The following NCOA2 variants were observed in gnomAD, a reference collection of about 807,000 sequenced individuals.
The protein encoded by NCOA2 is nuclear receptor coactivator 2.
In NCOA2, 21 loss-of-function variants were observed where a neutral mutation model predicts 145.1. The ratio of observed to expected loss-of-function variants is 0.14; its 90% CI spans 0.10 to 0.21. The LOEUF (loss-of-function observed/expected upper bound fraction) is 0.21, where lower values mean the gene tolerates loss of function less well. Among genes scored for constraint, NCOA2 ranks in the 10% least tolerant of loss-of-function variants. NCOA2 has a pLI of 1.00. For synonymous variants in NCOA2, 619 were observed against 637.5 expected, an observed-to-expected ratio of 0.97 and a Z score of 0.44; for missense variants, 1,472 against 1,837.6, an observed-to-expected ratio of 0.80 and a Z score of 3.64.
At chr8:70,274,473 G>A (rs1393303009) in intron 2 of NCOA2, among the ~76,000 whole-genome samples, 5 of 152,154 alleles carry the variant, frequency 3.3e-5, no homozygotes, top group Non-Finnish European at 5.9e-5. Context: ...GGCTTTTTAA[G>A]TAGGGTCAAA....
intron 1 of NCOA2, chr8:70,357,557 C>G (rs747188641): frequency 3.9e-5 from 6 of 152,230 alleles, no homozygotes; most frequent in Non-Finnish European, 5.9e-5. Flanking sequence ...CTGGCTAACA[C>G]GGTGAAACCC....
At chr8:70,403,641 C>T in intron 1 of NCOA2, 59 bp downstream of exon 1, 1 of 352,920 alleles carries the variant, frequency 2.8e-6, no homozygotes, top group Non-Finnish European at 5.1e-6. Flanking sequence ...GACGCGGCGC[C>T]CCCCGCCTGC....
At chr8:70,152,597 T>C (rs1013359608) in intron 11 of NCOA2, among the ~76,000 whole-genome samples, 30 of 152,210 alleles carry the variant, frequency 2.0e-4, no homozygotes, top group African/African-American at 7.2e-4. Flanking sequence ...AGTAGTATCG[T>C]TTGGTTAAGT....
chr8:70,452,302 C>A, the NCOA2 span, among the ~76,000 whole-genome samples: 1 of 152,074 alleles, frequency 6.6e-6, no homozygotes, highest in Non-Finnish European at 1.5e-5. Flanking sequence ...AGTCAGTTCT[C>A]CAAAGAAATA....
intron 4 of NCOA2, among the ~76,000 whole-genome samples, chr8:70,207,862 CAA>C (rs754670876): frequency 1.1e-4 from 4 of 36,206 alleles, no homozygotes; most frequent in Admixed American, 3.4e-4. Context: ...GACTCCACCT[CAA>C]AAAAAAAAAA....
chr8:70,410,366 G>A, the NCOA2 span, among the ~76,000 whole-genome samples: 1 of 152,076 alleles, frequency 6.6e-6, no homozygotes, highest in Non-Finnish European at 1.5e-5. Flanking sequence ...GTTCTCCTAG[G>A]TATTTACCTG....
chr8:70,338,285 C>T (rs1174841811), intron 1 of NCOA2, among the ~76,000 whole-genome samples: 1 of 152,086 alleles, frequency 6.6e-6, no homozygotes, highest in Non-Finnish European at 1.5e-5. Flanking sequence ...CCACAAAATA[C>T]AACCATTAGA....
intron 4 of NCOA2, among the ~76,000 whole-genome samples, chr8:70,194,921 T>C (rs1817110824): frequency 6.6e-6 from 1 of 152,152 alleles, no homozygotes; most frequent in Admixed American, 6.5e-5. Context: ...TCCACTTCAC[T>C]GGGAGACAGT....
At chr8:70,295,211 A>G (rs1441198301) in intron 2 of NCOA2, among the ~76,000 whole-genome samples, 1 of 152,214 alleles carries the variant, frequency 6.6e-6, no homozygotes, top group African/African-American at 2.4e-5. Context: ...GAGTTCAAAC[A>G]CATCAATATA....
the NCOA2 span, among the ~76,000 whole-genome samples, chr8:70,452,666 TA>T: frequency 6.6e-6 from 1 of 152,010 alleles, no homozygotes; most frequent in African/African-American, 2.4e-5. Flanking sequence ...AAAAACCAAT[TA>T]ATTGTACATT....
At chr8:70,450,573 CTTTTT>C in the NCOA2 span, among the ~76,000 whole-genome samples, 930 of 94,650 alleles carry the variant, frequency 9.8e-3, 20 homozygotes, top group African/African-American at 0.036. Flanking sequence ...TCTTTTTATT[CTTTTT>C]TTTTTTTTTT....
intron 1 of NCOA2, among the ~76,000 whole-genome samples, chr8:70,348,665 GA>G (rs1808892373): frequency 6.6e-6 from 1 of 152,170 alleles, no homozygotes; most frequent in Non-Finnish European, 1.5e-5. Flanking sequence ...GCACATGTAA[GA>G]TAAGAGAGAA....
chr8:70,215,500 A>T (rs1462084795), intron 3 of NCOA2, among the ~76,000 whole-genome samples: 1 of 152,072 alleles, frequency 6.6e-6, no homozygotes, highest in Non-Finnish European at 1.5e-5. Context: ...GGATGTAGAG[A>T]GTGGAGATTT....
Position 70,156,958 on chromosome 8 carries a change from G to A in NCOA2, c.1407C>T (p.Ser469=). The change falls in exon 11 of 23, where the codon AGC becomes AGT. Residue 469 remains serine, a synonymous_variant. Coordinates refer to ENST00000452400, the MANE Select transcript of NCOA2 (RefSeq NM_006540.4). ...QGSNYALKMN[S]PSQSSPGMNP... ...TCATGCCAGGGCTGCTTTGTGAGGG[G>A]CTGTTCATTTTGAGTGCATAGTTAC... The A allele has an allele frequency of 6.2e-7, 1 of 1,614,044 alleles. No homozygotes were observed. Among genetic ancestry groups the A allele is most frequent in the African/African-American group, 1.3e-5 (1 of 75,070 alleles).
intron 2 of NCOA2, among the ~76,000 whole-genome samples, chr8:70,294,820 G>A (rs1826960833): frequency 6.6e-6 from 1 of 152,058 alleles, no homozygotes; most frequent in Admixed American, 6.6e-5. Context: ...CTGTTATTTT[G>A]AAGACAACCA....
intron 11 of NCOA2, among the ~76,000 whole-genome samples, chr8:70,152,985 C>T (rs1042243007): frequency 1.3e-5 from 2 of 152,122 alleles, no homozygotes; most frequent in African/African-American, 4.8e-5. Context: ...TACAATTAAC[C>T]TGTATTTGGA....
intron 1 of NCOA2, among the ~76,000 whole-genome samples, chr8:70,386,277 T>G (rs567165013): frequency 9.8e-5 from 15 of 152,352 alleles, no homozygotes; most frequent in African/African-American, 3.4e-4. Context: ...ATAAGCAAAG[T>G]AGATAATTTA....
chr8:70,317,933 A>G (rs1472554302), intron 1 of NCOA2, among the ~76,000 whole-genome samples: 4 of 125,958 alleles, frequency 3.2e-5, no homozygotes, highest in African/African-American at 1.1e-4. Flanking sequence ...TCTAAAAAAC[A>G]AAAAAAAATG....
At chr8:70,408,279 T>A (rs1392670638), upstream of NCOA2, among the ~76,000 whole-genome samples, 1 of 152,184 alleles carries the variant, frequency 6.6e-6, no homozygotes, top group African/African-American at 2.4e-5. Flanking sequence ...ACGTACAAAA[T>A]TCAAAAGAAT....
Sources: allele counts gnomAD v4.1 joint callset (sites outside exome capture counted in the v4.1 genomes callset), GRCh38; gene constraint gnomAD v4.1.1; transcripts MANE v1.5; gene names NCBI Gene and HGNC (gene_info 2026-07-23, HGNC 2026-07-21).